ZDHHC7: variants seen among roughly 807,000 people sequenced by gnomAD.
ZDHHC7 encodes the protein palmitoyltransferase ZDHHC7.
In ZDHHC7, 12 loss-of-function variants were observed where a neutral mutation model predicts 34.1. The ratio of observed to expected loss-of-function variants is 0.35; its 90% CI spans 0.23 to 0.57. The LOEUF (loss-of-function observed/expected upper bound fraction) is 0.57. Among genes scored for constraint, ZDHHC7 ranks in the 20% least tolerant of loss-of-function variants. The probability of loss-of-function intolerance (pLI) is 0.84; values close to 1 mark genes in which losing one functional copy is unlikely to be tolerated. For synonymous variants in ZDHHC7, 185 were observed against 155.4 expected (o/e 1.19, Z -1.42); for missense variants, 388 against 402.7 (o/e 0.96, Z 0.31).
upstream of ZDHHC7, among the ~76,000 whole-genome samples, chr16:85,012,700 T>G (rs2072810153): frequency 1.3e-5 from 2 of 151,330 alleles, no homozygotes; most frequent in African/African-American, 4.9e-5. Context: ...AGGTCAGGAG[T>G]TCGAAACTAT....
intron 3 of ZDHHC7, among the ~76,000 whole-genome samples, chr16:84,984,716 C>A (rs899127217): frequency 6.6e-6 from 1 of 152,118 alleles, no homozygotes; most frequent in Non-Finnish European, 1.5e-5. Flanking sequence ...TGCTCAGAAC[C>A]TTGGGCAGAC....
At chr16:84,986,292 G>A (rs1305532486) in intron 3 of ZDHHC7, among the ~76,000 whole-genome samples, 1 of 152,210 alleles carries the variant, frequency 6.6e-6, no homozygotes, top group African/African-American at 2.4e-5. Flanking sequence ...TAGACAATCT[G>A]GTTCAAATCC....
chr16:85,003,870 C>A (rs1265818093), intron 1 of ZDHHC7, among the ~76,000 whole-genome samples: 1 of 152,124 alleles, frequency 6.6e-6, no homozygotes. Context: ...GGGGACAACA[C>A]TGACTTCCCT....
chr16:85,002,189 G>C (rs2032886187), intron 1 of ZDHHC7, among the ~76,000 whole-genome samples: 1 of 152,096 alleles, frequency 6.6e-6, no homozygotes, highest in Non-Finnish European at 1.5e-5. Flanking sequence ...CAAATACCCA[G>C]CGCCACGAGT....
chr16:84,986,664 A>G (rs73243815), intron 3 of ZDHHC7, among the ~76,000 whole-genome samples: 4,469 of 151,998 alleles, frequency 0.029, 225 homozygotes, highest in African/African-American at 0.1. Flanking sequence ...CTCTGACCCC[A>G]TCTTCCCCTC....
At chr16:85,016,306 G>A (rs371443249), upstream of ZDHHC7, among the ~76,000 whole-genome samples, 30 of 151,962 alleles carry the variant, frequency 2.0e-4, no homozygotes, top group East Asian at 2.9e-3. Context: ...ATAGGCATGC[G>A]CCAGCACACC....
At chr16:85,001,269 A>T (rs2072648897) in intron 1 of ZDHHC7, among the ~76,000 whole-genome samples, 1 of 152,062 alleles carries the variant, frequency 6.6e-6, no homozygotes, top group African/African-American at 2.4e-5. Flanking sequence ...TCAGGAGTTC[A>T]AGACCAGCCT....
At chr16:85,002,024 C>T (rs931531941) in intron 1 of ZDHHC7, among the ~76,000 whole-genome samples, 4 of 151,958 alleles carry the variant, frequency 2.6e-5, no homozygotes. Context: ...CAGGTGGGCT[C>T]ATGAAAGGGA....
At chr16:84,993,480 G>GTT (rs1369873473) in intron 2 of ZDHHC7, among the ~76,000 whole-genome samples, 1 of 109,624 alleles carries the variant, frequency 9.1e-6, no homozygotes, top group Non-Finnish European at 1.9e-5. Flanking sequence ...AAACAAAATT[G>GTT]TTTTTTTTTT....
At chr16:84,987,179 C>T (rs1345778451) in intron 3 of ZDHHC7, among the ~76,000 whole-genome samples, 1 of 152,230 alleles carries the variant, frequency 6.6e-6, no homozygotes. Context: ...GCTCTGCGTA[C>T]TCCCCCTTCC....
chr16:84,995,102 C>T (rs1411010765), intron 2 of ZDHHC7, among the ~76,000 whole-genome samples: 2 of 152,144 alleles, frequency 1.3e-5, no homozygotes, highest in African/African-American at 2.4e-5. Context: ...CCAAAACCAC[C>T]GTTGACTTCA....
intron 1 of ZDHHC7, among the ~76,000 whole-genome samples, chr16:84,998,194 G>A (rs1389734849): frequency 6.6e-6 from 1 of 151,196 alleles, no homozygotes; most frequent in East Asian, 2.0e-4. Context: ...AACCCGGGAG[G>A]CGGAGTTTGC....
At chr16:85,002,878 G>A (rs1213570690) in intron 1 of ZDHHC7, among the ~76,000 whole-genome samples, 2 of 151,560 alleles carry the variant, frequency 1.3e-5, no homozygotes, top group Non-Finnish European at 2.9e-5. Context: ...GCGCTGGGAG[G>A]GCCTATGGAG....
intron 3 of ZDHHC7, among the ~76,000 whole-genome samples, chr16:84,985,550 G>A (rs1271448422): frequency 6.6e-6 from 1 of 152,218 alleles, no homozygotes; most frequent in Non-Finnish European, 1.5e-5. Context: ...GGGAAAAAAA[G>A]ACATTGCAGG....
At chr16:84,993,492 T>TTA (rs1567500508) in intron 2 of ZDHHC7, among the ~76,000 whole-genome samples, 1 of 150,992 alleles carries the variant, frequency 6.6e-6, no homozygotes, top group African/African-American at 2.4e-5. Flanking sequence ...TTTTTTTTTT[T>TTA]ATAGTCAGGC....
intron 3 of ZDHHC7, among the ~76,000 whole-genome samples, chr16:84,984,659 CTA>C (rs2072413994): frequency 6.6e-6 from 1 of 152,170 alleles, no homozygotes; most frequent in Non-Finnish European, 1.5e-5. Context: ...GGACCTGAGA[CTA>C]TGTGGGATTT....
chr16:85,025,071 G>C, the ZDHHC7 span, among the ~76,000 whole-genome samples: 5 of 152,232 alleles, frequency 3.3e-5, no homozygotes, highest in African/African-American at 1.2e-4. Flanking sequence ...GAGGCCAGCA[G>C]TTCGAGACCA....
intron 1 of ZDHHC7, among the ~76,000 whole-genome samples, chr16:85,002,663 A>G (rs935374797): frequency 1.3e-5 from 2 of 151,996 alleles, no homozygotes; most frequent in African/African-American, 4.8e-5. Context: ...AAGGACATTA[A>G]GGAAAAGCTG....
rs143720062 is a variant in ZDHHC7 at position 84,980,476 on chromosome 16, C to T, written c.441-1191G>A. On this transcript the variant is annotated intron_variant, in intron 4 of 7. Coordinates refer to ENST00000313732, the MANE Select transcript of ZDHHC7 (RefSeq NM_017740.3). ...CCTGAAGTCAGGAGTTCGAGACCAG[C>T]CTGGCCAATGTGGCAAAACCCCGTC... Among the ~76,000 whole-genome samples the T allele has an allele frequency of 7.1e-3, 1,074 of 152,068 alleles. 11 individuals are homozygous for T. The highest frequency in any genetic ancestry group is 0.025 in the African/African-American group (1,037 of 41,504).
Sources: gnomAD v4.1 joint callset for allele counts (sites outside exome capture counted in the v4.1 genomes callset) on GRCh38, gnomAD v4.1.1 for gene constraint, MANE v1.5 for transcripts, NCBI Gene and HGNC (gene_info 2026-07-23, HGNC 2026-07-21) for gene names.